The following MAML3 variants were observed in gnomAD, a reference collection of about 807,000 sequenced individuals.
MAML3 encodes the protein mastermind like transcriptional coactivator 3, also known as mastermind-like protein 3.
Under a neutral mutation model 101.9 loss-of-function variants are expected in MAML3, and 27 were observed. The observed-to-expected ratio is 0.27, with a 90% CI of 0.20 to 0.37. The LOEUF is 0.37. MAML3 is among the 10% of genes least tolerant of loss of function. The pLI is 1.00. For missense variants in MAML3, 1,316 were observed against 1,444.9 expected (o/e 0.91, Z 1.45); for synonymous variants, 501 against 555.9 (o/e 0.90, Z 1.39).
intron 1 of MAML3, among the ~76,000 whole-genome samples, chr4:140,045,492 T>C (rs1378857464): frequency 6.6e-6 from 1 of 152,090 alleles, no homozygotes; most frequent in African/African-American, 2.4e-5. Flanking sequence ...GTATTGGGAC[T>C]TTTTTTCAAT....
chr4:139,835,982 G>A (rs1383553722), intron 2 of MAML3, among the ~76,000 whole-genome samples: 1 of 152,290 alleles, frequency 6.6e-6, no homozygotes, highest in East Asian at 1.9e-4. Context: ...GCCTGGTGAG[G>A]GGTCTGGGGA....
chr4:139,733,559 A>C (rs78198118), intron 2 of MAML3, among the ~76,000 whole-genome samples: 1 of 32,128 alleles, frequency 3.1e-5, no homozygotes, highest in Non-Finnish European at 6.0e-5. Context: ...CACAGTGTGA[A>C]AAAAAAAAAA....
At chr4:139,999,272 T>C (rs1237769972) in intron 1 of MAML3, among the ~76,000 whole-genome samples, 2 of 152,150 alleles carry the variant, frequency 1.3e-5, no homozygotes, top group African/African-American at 4.8e-5. Flanking sequence ...ATGCCACTAG[T>C]CATGAGCACT....
intron 2 of MAML3, among the ~76,000 whole-genome samples, chr4:139,778,526 T>C (rs751046739): frequency 2.6e-5 from 4 of 152,234 alleles, no homozygotes; most frequent in Non-Finnish European, 5.9e-5. Context: ...TTGAAAACCA[T>C]TGAGTTGGAT....
chr4:140,122,700 G>A (rs1728626215), intron 1 of MAML3, among the ~76,000 whole-genome samples: 1 of 149,826 alleles, frequency 6.7e-6, no homozygotes, highest in East Asian at 2.0e-4. Context: ...GCTGCGGCAG[G>A]AGAATGGCGT....
At chr4:139,729,355 C>T (rs1191714739) in intron 3 of MAML3, among the ~76,000 whole-genome samples, 1 of 152,052 alleles carries the variant, frequency 6.6e-6, no homozygotes, top group Non-Finnish European at 1.5e-5. Context: ...CGTGGTGGCT[C>T]ACATCTGTAA....
At chr4:139,750,079 A>G (rs982947445) in intron 2 of MAML3, among the ~76,000 whole-genome samples, 2 of 152,176 alleles carry the variant, frequency 1.3e-5, no homozygotes, top group South Asian at 2.1e-4. Flanking sequence ...GAAACACACA[A>G]GAAACTCTGA....
In MAML3 at chr4:140,139,845, C is replaced by T. The variant is rs141449603; in HGVS notation, c.468+13015G>A. Among the ~76,000 whole-genome samples, 89 of 152,220 alleles carry T rather than the reference C, an allele frequency of 5.8e-4. No individual in the cohort carries two copies. The East Asian group carries it at 0.016, about 27-fold the overall frequency. The stretch of plus-strand genomic sequence containing the variant: ...GTCTACCTTGCATATAGGTGAAAGT[C>T]ATCCTTGAAAGAAAACATTCTAGTG... On this transcript the variant is annotated intron_variant, in intron 1 of 4. Coordinates refer to ENST00000509479, the MANE Select transcript of MAML3 (RefSeq NM_018717.5).
chr4:140,152,798 G>C lies in MAML3; in HGVS notation c.468+62C>G. 15 of 1,555,786 alleles carry C rather than the reference G, an allele frequency of 9.6e-6. 1 individual carries two copies. The South Asian group carries it at 1.1e-4, about 11-fold the overall frequency. ...TACCCCCATGTAAGAAGCTCCACGCGCCCCCCACCACCACCACCACCCCCA... is the reference window on the plus strand; with the variant it reads ...TACCCCCATGTAAGAAGCTCCACGCCCCCCCCACCACCACCACCACCCCCA... On this transcript the variant is annotated intron_variant, in intron 1 of 4. Coordinates refer to ENST00000509479, the MANE Select transcript of MAML3 (RefSeq NM_018717.5).
intron 2 of MAML3, among the ~76,000 whole-genome samples, chr4:139,855,054 A>T (rs980330414): frequency 1.3e-5 from 2 of 152,146 alleles, no homozygotes; most frequent in African/African-American, 4.8e-5. Flanking sequence ...AAATCAATGG[A>T]TTTGAGCCTG....
chr4:139,741,555 C>T (rs998344824), intron 2 of MAML3, among the ~76,000 whole-genome samples: 2 of 151,848 alleles, frequency 1.3e-5, no homozygotes, highest in African/African-American at 2.4e-5. Context: ...TCAGGACCAG[C>T]CTGGGCAACA....
chr4:140,147,752 T>G (rs1260372320), intron 1 of MAML3, among the ~76,000 whole-genome samples: 1 of 152,226 alleles, frequency 6.6e-6, no homozygotes, highest in East Asian at 1.9e-4. Context: ...TTAGCCTTTT[T>G]AAGCTCAAGA....
chr4:139,728,636 G>A (rs1043979670), intron 3 of MAML3, among the ~76,000 whole-genome samples: 12 of 152,140 alleles, frequency 7.9e-5, no homozygotes, highest in Admixed American at 6.5e-4. Flanking sequence ...CAGTTGCTAC[G>A]GAATGATCCA....
intron 1 of MAML3, among the ~76,000 whole-genome samples, chr4:140,099,868 C>T (rs1476615955): frequency 6.6e-6 from 1 of 152,172 alleles, no homozygotes; most frequent in South Asian, 2.1e-4. Context: ...CTCCTTCAAA[C>T]CATCCCAAAC....
At chr4:140,007,881 C>G (rs1024464747) in intron 1 of MAML3, among the ~76,000 whole-genome samples, 3 of 152,216 alleles carry the variant, frequency 2.0e-5, no homozygotes, top group African/African-American at 7.2e-5. Flanking sequence ...CCCTGTAGGT[C>G]ACCTTAATCT....
intron 2 of MAML3, among the ~76,000 whole-genome samples, chr4:139,777,833 C>T (rs1730120301): frequency 6.6e-6 from 1 of 152,244 alleles, no homozygotes; most frequent in Admixed American, 6.5e-5. Context: ...CTCTGCTGAA[C>T]CCTTATCTTA....
In MAML3 at chr4:139,929,099, C is replaced by T. The variant is rs982984580; in HGVS notation, c.469-38132G>A. ...GCTAGAAACTAGGAGATAAGCAAGA[C>T]GGTGGGAAAGTGTTCAATAGCCCCC... is the stretch of plus-strand genomic sequence containing the variant. On this transcript the variant is annotated intron_variant, in intron 1 of 4. Coordinates refer to ENST00000509479, the MANE Select transcript of MAML3 (RefSeq NM_018717.5). Among the ~76,000 whole-genome samples, 83 of 152,248 alleles carry T rather than the reference C, an allele frequency of 5.5e-4. No homozygotes were observed. The Middle Eastern group carries it at 0.017, about 31-fold the overall frequency.
rs1728143212 is a variant in MAML3 at position 139,719,563 on chromosome 4, T to G, written c.3177A>C (p.Pro1059=). 1 of 1,613,672 alleles carries G rather than the reference T, an allele frequency of 6.2e-7. No individual in the cohort carries two copies. The highest frequency in any genetic ancestry group is 8.5e-7 in the Non-Finnish European group (1 of 1,179,776). Residue 1059 remains proline, a synonymous_variant, in exon 5 of 5, where the codon CCA becomes CCC. Coordinates refer to ENST00000509479, the MANE Select transcript of MAML3 (RefSeq NM_018717.5). The part of the protein sequence containing the change: ...SGLSQGVPGM[P]AFSQPPAQQQ... ...GCTGTGCTGGGGGCTGGCTGAACGC[T>G]GGCATGCCTGGGACTCCCTGGCTCA...
At chr4:140,101,272 T>C (rs148088029) in intron 1 of MAML3, among the ~76,000 whole-genome samples, 275 of 152,308 alleles carry the variant, frequency 1.8e-3, no homozygotes, top group African/African-American at 6.3e-3. Context: ...TAATCCCTTT[T>C]GGCCCAGCGT....
Sources: allele counts gnomAD v4.1 joint callset (sites outside exome capture counted in the v4.1 genomes callset), GRCh38; gene constraint gnomAD v4.1.1; transcripts MANE v1.5; gene names NCBI Gene and HGNC (gene_info 2026-07-23, HGNC 2026-07-21).